The following PDE4DIP variants were observed in gnomAD, a reference collection of about 807,000 sequenced individuals.
PDE4DIP encodes phosphodiesterase 4D interacting protein.
PDE4DIP carries 59 observed loss-of-function variants against 221.4 expected under a neutral mutation model. The observed-to-expected ratio is 0.27, with a 90% CI of 0.22 to 0.33. PDE4DIP has a LOEUF of 0.33. PDE4DIP is among the 10% of genes least tolerant of loss of function. The pLI, the probability that PDE4DIP is intolerant of heterozygous loss-of-function variation, is 1.00. For synonymous variants in PDE4DIP, 404 were observed against 815.9 expected (o/e 0.50, Z 8.60); for missense variants, 1,036 against 2,154.2 (o/e 0.48, Z 10.28).
exon 30 of PDE4DIP, chr1:149,009,770 A>G: frequency 2.5e-6 from 4 of 1,605,234 alleles, no homozygotes; most frequent in Non-Finnish European, 3.4e-6. Context: ...TGAAGAGAAG[A>G]AAGCTTCTCC....
Position 148,962,306 on chromosome 1 carries a change from A to C in PDE4DIP, c.981+18A>C. The C allele has an allele frequency of 6.4e-7, 1 of 1,551,314 alleles. No individual in the cohort carries two copies. The highest frequency in any genetic ancestry group is 1.1e-5 in the South Asian group (1 of 89,318). ...AACTTCACGTATGTGAGGGTCACGTAGGACAGGAGAGACTTCAGTTGGGGA... is the reference window on the plus strand; with the variant it reads ...AACTTCACGTATGTGAGGGTCACGTCGGACAGGAGAGACTTCAGTTGGGGA... On this transcript the variant is annotated intron_variant, in intron 8 of 43. Transcript: ENST00000369354.
chr1:148,907,761 CT>C (rs2042188665), intron 1 of PDE4DIP, among the ~76,000 whole-genome samples: 1 of 68,258 alleles, frequency 1.5e-5, no homozygotes, highest in African/African-American at 5.2e-5. Flanking sequence ...TTTCTTTTGT[CT>C]TAACTTTAGA....
At chr1:148,977,984 G>A (rs782645546) in exon 18 of PDE4DIP, 1 of 1,614,152 alleles carries the variant, frequency 6.2e-7, no homozygotes. Context: ...AGGAAGAAGA[G>A]CTGCAGGTGC....
intron 1 of PDE4DIP, among the ~76,000 whole-genome samples, chr1:148,907,023 T>G (rs1174665773): frequency 1.3e-5 from 2 of 151,512 alleles, no homozygotes; most frequent in East Asian, 3.8e-4. Flanking sequence ...CACTCCAGCC[T>G]GGACTACAAG....
In PDE4DIP at chr1:148,929,184, G is replaced by A. The variant is rs1553467685; in HGVS notation, c.142-13G>A. 6.2e-7 allele frequency: 1 copy of A among 1,613,424 alleles called. No homozygotes were observed. Among genetic ancestry groups the A allele is most frequent in the Non-Finnish European group, 8.5e-7 (1 of 1,179,616 alleles). ...TGGCAGTTAATAACGATTAATGCCT[G>A]TGTGTTTTTCAGAACATTGAGCTGA... On this transcript the variant is annotated splice_polypyrimidine_tract_variant and intron_variant, in intron 1 of 43. Coordinates refer to ENST00000369354, the Ensembl canonical transcript of PDE4DIP.
intron 16 of PDE4DIP, among the ~76,000 whole-genome samples, chr1:148,973,306 AT>A (rs2059555199): frequency 6.6e-6 from 1 of 151,252 alleles, no homozygotes; most frequent in Non-Finnish European, 1.5e-5. Context: ...ATTTTTTTGT[AT>A]TTTTAGTAGA....
chr1:149,009,574 C>A (rs2067977172), exon 30 of PDE4DIP: 1 of 1,596,470 alleles, frequency 6.3e-7, no homozygotes, highest in Non-Finnish European at 8.6e-7. Context: ...CCAGGCTCAG[C>A]AGGGAGCTGC....
intron 26 of PDE4DIP, among the ~76,000 whole-genome samples, chr1:149,004,105 A>G (rs1325512532): frequency 4.6e-5 from 7 of 152,102 alleles, no homozygotes; most frequent in Admixed American, 4.6e-4. Context: ...GAAAAACACA[A>G]TCTCTCTCAT....
At position 149,010,608 on chromosome 1, in the gene PDE4DIP, C is replaced by T; in HGVS notation, c.5080+13C>T. 1 of 1,613,098 alleles carries T rather than the reference C, an allele frequency of 6.2e-7. No homozygotes were observed. Among genetic ancestry groups the T allele is most frequent in the Non-Finnish European group, 8.5e-7 (1 of 1,179,408 alleles). On this transcript the variant is annotated intron_variant, in intron 31 of 43. Coordinates refer to ENST00000369354, the Ensembl canonical transcript of PDE4DIP. ...CAGGCCCATTCAGGTATGCAACAGC[C>T]AATGGGGCAGAAGCTTCATCTCCTC...
intron 1 of PDE4DIP, among the ~76,000 whole-genome samples, chr1:148,859,427 T>TC (rs1376911534): frequency 1.3e-5 from 2 of 151,362 alleles, no homozygotes; most frequent in African/African-American, 2.4e-5. Flanking sequence ...GCTTGGTACT[T>TC]CCGAAAGCAA....
chr1:149,021,292 C>G, intron 37 of PDE4DIP, 139 bp downstream of exon 40: 3 of 675,344 alleles, frequency 4.4e-6, no homozygotes, highest in Non-Finnish European at 7.7e-6. Context: ...GCCTGGGGCT[C>G]CCAGTAGGAG....
chr1:148,919,342 G>C (rs1419871149), intron 1 of PDE4DIP, among the ~76,000 whole-genome samples: 1 of 151,588 alleles, frequency 6.6e-6, no homozygotes, highest in Non-Finnish European at 1.5e-5. Context: ...GGGACGACCA[G>C]TTTAAGGTCA....
At chr1:149,000,919 C>T (rs1384355424) in intron 23 of PDE4DIP, among the ~76,000 whole-genome samples, 4 of 151,292 alleles carry the variant, frequency 2.6e-5, no homozygotes, top group Non-Finnish European at 4.4e-5. Context: ...AAGAATTTAT[C>T]TGGAATGTCT....
chr1:149,022,734 TA>T (rs1553621141), intron 37 of PDE4DIP, among the ~76,000 whole-genome samples: 1 of 151,442 alleles, frequency 6.6e-6, no homozygotes. Flanking sequence ...TTCTGTATAG[TA>T]GATAATGAAA....
At chr1:149,011,162 G>C (rs1356900771) in intron 31 of PDE4DIP, among the ~76,000 whole-genome samples, 2 of 149,464 alleles carry the variant, frequency 1.3e-5, no homozygotes, top group Non-Finnish European at 3.0e-5. Flanking sequence ...TACAAGTTCA[G>C]CTTAGTTGCC....
intron 1 of PDE4DIP, among the ~76,000 whole-genome samples, chr1:148,914,064 AAACC>A (rs2043293838): frequency 7.2e-6 from 1 of 139,472 alleles, no homozygotes; most frequent in African/African-American, 3.2e-5. Flanking sequence ...TAAAGCCATG[AAACC>A]ATAGGAGATC....
intron 37 of PDE4DIP, among the ~76,000 whole-genome samples, chr1:149,023,927 A>G (rs2074205145): frequency 6.8e-6 from 1 of 148,102 alleles, no homozygotes; most frequent in East Asian, 2.0e-4. Context: ...ACACACACAC[A>G]TATATATAGA....
intron 21 of PDE4DIP, 101 bp downstream of exon 24, chr1:148,981,498 A>G: frequency 7.1e-7 from 1 of 1,413,792 alleles, no homozygotes; most frequent in South Asian, 1.2e-5. Flanking sequence ...TGCACTAACC[A>G]GAAAGATCCT....
chr1:148,936,597 G>C (rs587767026), intron 4 of PDE4DIP, among the ~76,000 whole-genome samples: 2 of 152,152 alleles, frequency 1.3e-5, no homozygotes, highest in African/African-American at 4.8e-5. Context: ...GTGATTTAGC[G>C]AGTGAGTAGT....
Sources: gnomAD v4.1 joint callset for allele counts (sites outside exome capture counted in the v4.1 genomes callset) on GRCh38, gnomAD v4.1.1 for gene constraint, MANE v1.5 for transcripts, NCBI Gene and HGNC (gene_info 2026-07-23, HGNC 2026-07-21) for gene names.